Variants in MAP3K4 observed in about 807,000 individuals in gnomAD.
The protein encoded by MAP3K4 is MAP three kinase 1.
In MAP3K4, 67 loss-of-function variants were observed where a neutral mutation model predicts 185.6. The observed-to-expected ratio is 0.36, with a 90% CI of 0.30 to 0.44. MAP3K4 has a LOEUF of 0.44. MAP3K4 is among the 20% of genes least tolerant of loss of function. MAP3K4 has a pLI of 1.00. For synonymous variants in MAP3K4, 702 were observed against 710.4 expected (o/e 0.99, Z 0.19); for missense variants, 1,551 against 1,995.1 (o/e 0.78, Z 4.24).
intron 10 of MAP3K4, 70 bp from the exon 11 acceptor site, chr6:161,089,252 T>C: frequency 6.6e-7 from 1 of 1,506,552 alleles, no homozygotes; most frequent in South Asian, 1.3e-5. Flanking sequence ...GTTTTTGGAC[T>C]GGTGTTGAAC....
intron 1 of MAP3K4, chr6:160,992,320 G>A (rs184120920): frequency 3.7e-6 from 2 of 545,950 alleles, no homozygotes; most frequent in African/African-American, 2.0e-5. Flanking sequence ...GCGTGTTGCC[G>A]GCTCCCCTTC....
chr6:161,026,263 T>A (rs1214150613), intron 1 of MAP3K4, among the ~76,000 whole-genome samples: 1 of 151,676 alleles, frequency 6.6e-6, no homozygotes, highest in Non-Finnish European at 1.5e-5. Context: ...CCCGAGTAGC[T>A]GGGATTACAG....
rs915530317 is a variant in MAP3K4, at chr6:160,996,973, A to C, written c.152+4890A>C. 6.6e-6 allele frequency among the ~76,000 whole-genome samples: 1 copy of C among 151,704 alleles called. No individual in the cohort carries two copies. Among genetic ancestry groups the C allele is most frequent in the African/African-American group, 2.4e-5 (1 of 41,258 alleles). On this transcript the variant is annotated intron_variant, in intron 1 of 26. Coordinates refer to ENST00000392142, the MANE Select transcript of MAP3K4 (RefSeq NM_005922.4). This position sits in a 1 kb window ranked among gnomAD's most constrained non-coding sequence, Gnocchi z 4.5. ...ATGAGAGGCAGTGTGATCCAGACTT[A>C]CTCTTAGGTTTTTATTTTCTAGGCA...
chr6:161,113,880 C>T (rs1778475043), intron 25 of MAP3K4, among the ~76,000 whole-genome samples: 1 of 146,188 alleles, frequency 6.8e-6, no homozygotes, highest in African/African-American at 2.6e-5. Flanking sequence ...TCACTGCAAC[C>T]TCCGCCTCCC....
intron 1 of MAP3K4, among the ~76,000 whole-genome samples, chr6:161,032,394 A>G (rs1259507308): frequency 6.6e-6 from 1 of 152,228 alleles, no homozygotes; most frequent in East Asian, 1.9e-4. Context: ...CACTTACTAT[A>G]TTCTGACTCT....
At chr6:161,046,812 G>A (rs1319220421) in intron 2 of MAP3K4, among the ~76,000 whole-genome samples, 1 of 150,532 alleles carries the variant, frequency 6.6e-6, no homozygotes, top group Non-Finnish European at 1.5e-5. Flanking sequence ...CATCAAATCT[G>A]AAGATATACT....
chr6:161,079,726 CAT>C (rs1278175856), intron 5 of MAP3K4, among the ~76,000 whole-genome samples: 1 of 152,128 alleles, frequency 6.6e-6, no homozygotes, highest in Non-Finnish European at 1.5e-5. Context: ...ACTGTAGACC[CAT>C]GAATTGCAGA....
At position 161,067,315 on chromosome 6, in the gene MAP3K4, G is replaced by A. The variant is rs1002931039; in HGVS notation, c.1708-3293G>A. The stretch of plus-strand genomic sequence containing the variant: ...GTCACAGGTAGGTAAGAGACAAAAC[G>A]TTACATTTTTTTGAATTTCTGATTA... On this transcript the variant is annotated intron_variant, in intron 3 of 26. Coordinates refer to ENST00000392142, the MANE Select transcript of MAP3K4 (RefSeq NM_005922.4). This position sits in a 1 kb window ranked among gnomAD's most constrained non-coding sequence, Gnocchi z 6.3. The A allele has an allele frequency of 2.5e-6, 1 of 403,316 alleles. No homozygotes were observed. Among genetic ancestry groups the A allele is most frequent in the Non-Finnish European group, 5.0e-6 (1 of 201,898 alleles). 25.0% of individuals were successfully genotyped at this position (403,316 alleles called of 1,614,324 possible). A position where few individuals can be genotyped will look rare whatever the true frequency, so the allele number is the denominator to read the frequency against.
chr6:161,112,013 G>T lies in MAP3K4; in HGVS notation c.4519+55G>T. The T allele has an allele frequency of 6.2e-7, 1 of 1,600,574 alleles. No individual in the cohort carries two copies. The highest frequency in any genetic ancestry group is 1.1e-5 in the South Asian group (1 of 88,364). On this transcript the variant is annotated intron_variant, in intron 24 of 26. Transcript: ENST00000392142. The surrounding 1 kb of genome is among the most constrained non-coding windows in gnomAD (Gnocchi z 5.1). ...TCTGACTTCATGCAGCCTGCTTGGG[G>T]CCTGCATGTTCCCTTCACCTTTGTT...
intron 1 of MAP3K4, among the ~76,000 whole-genome samples, chr6:161,014,722 C>A (rs1028668129): frequency 5.9e-5 from 9 of 152,114 alleles, no homozygotes; most frequent in African/African-American, 2.2e-4. Context: ...CAGTAGGGCT[C>A]TTGCCTTTAC....
Position 161,076,313 on chromosome 6 carries a change from C to T in MAP3K4, c.2097+2701C>T, listed in dbSNP as rs931628172. ...CCGACAGAAGGAGCGCGAGCTATAC[C>T]GCAGCCTTCTCTGGTTGTCAGGAAG... On this transcript the variant is annotated intron_variant, in intron 5 of 26. Transcript: ENST00000392142. The surrounding 1 kb of genome is among the most constrained non-coding windows in gnomAD (Gnocchi z 4.2). 2.0e-5 allele frequency among the ~76,000 whole-genome samples: 3 copies of T among 152,260 alleles called. No homozygotes were observed. Among genetic ancestry groups the T allele is most frequent in the South Asian group, 2.1e-4 (1 of 4,820 alleles).
In MAP3K4 at chr6:161,082,883, A is replaced by T. The variant is rs1440009386; in HGVS notation, c.2256-1618A>T. Reference sequence around the variant, plus strand: ...ACCACAGCCTGAATGGTCTGGTTAAAGTGTATGTCAGACCATTGTCTTCTC... The same window carrying T: ...ACCACAGCCTGAATGGTCTGGTTAATGTGTATGTCAGACCATTGTCTTCTC... On this transcript the variant is annotated intron_variant, in intron 6 of 26. Coordinates refer to ENST00000392142, the MANE Select transcript of MAP3K4 (RefSeq NM_005922.4). The surrounding 1 kb of genome is among the most constrained non-coding windows in gnomAD (Gnocchi z 4.2). 6.6e-6 allele frequency among the ~76,000 whole-genome samples: 1 copy of T among 152,180 alleles called. No homozygotes were observed. The highest frequency in any genetic ancestry group is 2.4e-5 in the African/African-American group (1 of 41,436).
chr6:161,058,431 A>G (rs182068200), intron 3 of MAP3K4, among the ~76,000 whole-genome samples: 61 of 152,258 alleles, frequency 4.0e-4, no homozygotes, highest in African/African-American at 1.3e-3. Flanking sequence ...TAGAAATTGC[A>G]GTTTGTGATA....
At position 161,048,113 on chromosome 6, in the gene MAP3K4, T is replaced by C. The variant is rs990200727; in HGVS notation, c.344-503T>C. 8 of 399,922 alleles carry C rather than the reference T, an allele frequency of 2.0e-5. No homozygotes were observed. The highest frequency in any genetic ancestry group is 3.9e-5 in the Non-Finnish European group (8 of 205,012). The allele number at this position is 399,922 out of a possible 1,614,324, so 24.8% of individuals were successfully genotyped here. A position where few individuals can be genotyped will look rare whatever the true frequency, so the allele number is the denominator to read the frequency against. On this transcript the variant is annotated intron_variant, in intron 2 of 26. Transcript: ENST00000392142. The surrounding 1 kb of genome is among the most constrained non-coding windows in gnomAD (Gnocchi z 4.7). ...TTTATGAGAATAATCTTAGGGTGCC[T>C]TAAGTATTCTTGCATCAATGTGCCT...
At chr6:161,036,958 CT>C (rs1317866867) in intron 2 of MAP3K4, among the ~76,000 whole-genome samples, 1 of 152,168 alleles carries the variant, frequency 6.6e-6, no homozygotes, top group Admixed American at 6.5e-5. Context: ...AGATAAAGGA[CT>C]TTAAACCTGT....
At chr6:161,033,032 AAAAGGT>A in intron 1 of MAP3K4, among the ~76,000 whole-genome samples, 1 of 152,158 alleles carries the variant, frequency 6.6e-6, no homozygotes, top group South Asian at 2.1e-4. Flanking sequence ...TTTATTTTTC[AAAAGGT>A]AATTTATTTT....
rs199725238 is a variant in MAP3K4 at position 161,098,409 on chromosome 6, G to A, written c.3656G>A (p.Ser1219Asn). The change falls in exon 17 of 27, where the codon AGC becomes AAC. Residue 1219 changes from serine (S) to asparagine (N), a missense_variant. By Grantham distance (46) the Ser-to-Asn change is conservative (BLOSUM62 1). This residue lies in a region of MAP3K4 where 272 missense variants were observed against 301.2 expected (regional missense o/e 0.90). Transcript: ENST00000392142. The surrounding 1 kb of genome is among the most constrained non-coding windows in gnomAD (Gnocchi z 4.4). ...GACTCTGTGCTGCCCAAATCCATCA[G>A]CAGTGCCCATGATACCAGGTAGTCT... ...GGDSVLPKSI[S>N]SAHDTRGSSV... 1.4e-4 allele frequency: 221 copies of A among 1,613,780 alleles called. 4 individuals are homozygous for A. In the East Asian group the frequency reaches 4.9e-3, roughly 35 times the overall value.
intron 1 of MAP3K4, among the ~76,000 whole-genome samples, chr6:161,027,368 A>G (rs563592436): frequency 6.6e-6 from 1 of 152,330 alleles, no homozygotes; most frequent in South Asian, 2.1e-4. Flanking sequence ...TGTGAAAGAG[A>G]ATTGTAGCTT....
Position 161,109,927 on chromosome 6 carries a change from C to T in MAP3K4, c.4396+13C>T, listed in dbSNP as rs566518014. 5 of 1,612,798 alleles carry T rather than the reference C, an allele frequency of 3.1e-6. No individual in the cohort carries two copies. The African/African-American group carries it at 6.7e-5, about 22-fold the overall frequency. ...CGTGACATTAAAGGTAATCCCACACCCGCCTGGCTGCTGTGGGCCAGAGCC... is the reference window on the plus strand; with the variant it reads ...CGTGACATTAAAGGTAATCCCACACTCGCCTGGCTGCTGTGGGCCAGAGCC... On this transcript the variant is annotated intron_variant, in intron 23 of 26. Coordinates refer to ENST00000392142, the MANE Select transcript of MAP3K4 (RefSeq NM_005922.4). The surrounding 1 kb of genome is among the most constrained non-coding windows in gnomAD (Gnocchi z 5.7).
Sources: allele counts gnomAD v4.1 joint callset (sites outside exome capture counted in the v4.1 genomes callset), GRCh38; gene constraint gnomAD v4.1.1; regional missense constraint gnomAD v4.1.1; non-coding constraint Gnocchi (gnomAD v3.1); transcripts MANE v1.5; gene names NCBI Gene and HGNC (gene_info 2026-07-23, HGNC 2026-07-21).